The following CDC6 variants were observed in gnomAD, a reference collection of about 807,000 sequenced individuals.
The protein encoded by CDC6 is cell division cycle 6.
A neutral mutation model predicts 60.2 loss-of-function variants in CDC6; 46 were observed. That is an observed-to-expected ratio of 0.76 (90% CI 0.60 to 0.98). CDC6 has a LOEUF of 0.98. Among genes scored for constraint, CDC6 ranks in the 50% least tolerant of loss-of-function variants. CDC6 has a pLI of 0.00. For synonymous variants in CDC6, 210 were observed against 233.2 expected (o/e 0.90, Z 0.90); for missense variants, 596 against 652.9 (o/e 0.91, Z 0.95).
At chr17:40,295,601 G>T (rs1429708789) in intron 8 of CDC6, 145 bp downstream of exon 8, 4 of 658,728 alleles carry the variant, frequency 6.1e-6, no homozygotes, top group African/African-American at 1.8e-5. Context: ...TTGTTTCTCA[G>T]TGGGGAGCTC....
intron 4 of CDC6, 94 bp downstream of exon 4, chr17:40,291,762 T>C: frequency 7.3e-7 from 1 of 1,361,320 alleles, no homozygotes; most frequent in Non-Finnish European, 1.0e-6. Context: ...GTTTTGTTTT[T>C]TGAGACGGAG....
intron 9 of CDC6, among the ~76,000 whole-genome samples, chr17:40,299,574 G>T (rs1464634828): frequency 6.6e-5 from 10 of 151,942 alleles, no homozygotes; most frequent in Non-Finnish European, 1.5e-5. Flanking sequence ...AAGCTTATTG[G>T]CAGTTTCCCA....
chr17:40,298,501 CA>C (rs755630810), intron 9 of CDC6, among the ~76,000 whole-genome samples: 1 of 151,782 alleles, frequency 6.6e-6, no homozygotes, highest in Non-Finnish European at 1.5e-5. Context: ...ACTGCAGCTG[CA>C]ACCTCCCAGG....
chr17:40,289,682 T>A, intron 2 of CDC6, 84 bp downstream of exon 2: 1 of 1,041,798 alleles, frequency 9.6e-7, no homozygotes, highest in Non-Finnish European at 1.5e-6. Flanking sequence ...TGAAGGAGCT[T>A]TCTAAGTTCA....
At chr17:40,300,440 T>A (rs576712874) in intron 9 of CDC6, among the ~76,000 whole-genome samples, 1 of 152,204 alleles carries the variant, frequency 6.6e-6, no homozygotes, top group Non-Finnish European at 1.5e-5. Flanking sequence ...AAGGCTGCAG[T>A]GAGCCATGAT....
intron 2 of CDC6, 44 bp downstream of exon 2, chr17:40,289,642 C>G: frequency 6.7e-7 from 1 of 1,490,202 alleles, no homozygotes; most frequent in Non-Finnish European, 9.3e-7. Flanking sequence ...AGCTCGTGAC[C>G]TTTCTTTTCT....
intron 8 of CDC6, among the ~76,000 whole-genome samples, chr17:40,295,977 A>C (rs1417636142): frequency 6.6e-6 from 1 of 152,008 alleles, no homozygotes; most frequent in Non-Finnish European, 1.5e-5. Context: ...CAGTAGGGAC[A>C]CTGGGTCCAT....
chr17:40,297,635 G>T (rs898607474), intron 9 of CDC6, among the ~76,000 whole-genome samples: 1 of 152,158 alleles, frequency 6.6e-6, no homozygotes, highest in Non-Finnish European at 1.5e-5. Flanking sequence ...GGCAAGCATG[G>T]TGTGTGCCTG....
At chr17:40,293,856 C>A in intron 5 of CDC6, 94 bp from the exon 6 acceptor site, 1 of 1,126,896 alleles carries the variant, frequency 8.9e-7, no homozygotes, top group Non-Finnish European at 1.4e-6. Context: ...TTAAACTGGT[C>A]TCAGCTTTAG....
At chr17:40,289,672 TGAA>T in intron 2 of CDC6, 74 bp downstream of exon 2, 1 of 1,173,282 alleles carries the variant, frequency 8.5e-7, no homozygotes, top group Non-Finnish European at 1.3e-6. Flanking sequence ...GTGTGTCCTT[TGAA>T]GGAGCTTTCT....
intron 4 of CDC6, among the ~76,000 whole-genome samples, chr17:40,292,219 G>C (rs1407700162): frequency 6.6e-6 from 1 of 152,074 alleles, no homozygotes; most frequent in African/African-American, 2.4e-5. Context: ...TGTAGAGACA[G>C]GGTTTCACCA....
chr17:40,288,417 G>A (rs996855984), intron 1 of CDC6, among the ~76,000 whole-genome samples: 1 of 151,718 alleles, frequency 6.6e-6, no homozygotes, highest in South Asian at 2.1e-4. Flanking sequence ...ATCAATTCAT[G>A]TAACTTTTTT....
chr17:40,293,358 C>G, intron 4 of CDC6, 98 bp from the exon 5 acceptor site: 1 of 827,466 alleles, frequency 1.2e-6, no homozygotes, highest in South Asian at 1.4e-5. Context: ...AGTAGAGCTT[C>G]CTTACGTGCT....
Position 40,289,389 on chromosome 17 carries a change from CT to C in CDC6, c.-13-17del. 7 of 1,600,694 alleles carry C rather than the reference CT, an allele frequency of 4.4e-6. No homozygotes were observed. Among genetic ancestry groups the C allele is most frequent in the Non-Finnish European group, 6.0e-6 (7 of 1,168,114 alleles). ...CTTTCACATATTGACTAGTTGTCCTCTTATTTTTTTTAATCTAGCTGTGCTG... is the reference window on the plus strand; with the variant it reads ...CTTTCACATATTGACTAGTTGTCCTCTATTTTTTTTAATCTAGCTGTGCTG... On this transcript the variant is annotated intron_variant, in intron 1 of 11. Transcript: ENST00000209728.
At chr17:40,290,878 G>A (rs545016466) in intron 2 of CDC6, among the ~76,000 whole-genome samples, 180 bp from the exon 3 acceptor site, 1 of 152,260 alleles carries the variant, frequency 6.6e-6, no homozygotes, top group Admixed American at 6.5e-5. Context: ...AGGGACTACT[G>A]TAGTAAGATC....
At chr17:40,299,868 G>A (rs559039713) in intron 9 of CDC6, among the ~76,000 whole-genome samples, 9 of 152,270 alleles carry the variant, frequency 5.9e-5, no homozygotes, top group Middle Eastern at 3.4e-3. Context: ...GGTCATTTGG[G>A]GAAGCCATCT....
chr17:40,296,720 TAG>T lies in CDC6; in HGVS notation c.1205_1206del (p.Glu402ValfsTer14). On this transcript the variant is annotated frameshift_variant, in exon 9 of 12. Transcript: ENST00000209728. LOFTEE classifies it high-confidence loss of function. ...TTTTATAGGAGAGCTATTGAAATTGTAGAGTCAGATGTCAAAAGCCAGACTAT... is the reference window on the plus strand; with the variant it reads ...TTTTATAGGAGAGCTATTGAAATTGTAGTCAGATGTCAAAAGCCAGACTAT... 7 of 1,603,558 alleles carry T rather than the reference TAG, an allele frequency of 4.4e-6. No homozygotes were observed. Among genetic ancestry groups the T allele is most frequent in the East Asian group, 2.2e-5 (1 of 44,826 alleles).
In CDC6 at chr17:40,288,077, C is replaced by T. The variant is rs1021818094; in HGVS notation, c.-27C>T. On this transcript the variant is annotated 5_prime_UTR_variant, in exon 1 of 12. Transcript: ENST00000209728. ...GGAGCTGGGTGAAGGCTGCGGGTTC[C>T]GGCGAGGCCTGAGGTGAAGTGAAGG... is the stretch of plus-strand genomic sequence containing the variant. The T allele has an allele frequency of 3.2e-5, 5 of 154,040 alleles. No homozygotes were observed. The highest frequency in any genetic ancestry group is 6.5e-5 in the Admixed American group (1 of 15,306). 9.5% of individuals were successfully genotyped at this position (154,040 alleles called of 1,614,324 possible). A position where few individuals can be genotyped will look rare whatever the true frequency, so the allele number is the denominator to read the frequency against.
At chr17:40,289,176 C>T (rs1259872729) in intron 1 of CDC6, 2 of 459,214 alleles carry the variant, frequency 4.4e-6, no homozygotes, top group East Asian at 8.5e-5. Context: ...CGTTGTTAAA[C>T]GAGTTGGTAC....
Sources: allele counts gnomAD v4.1 joint callset (sites outside exome capture counted in the v4.1 genomes callset), GRCh38; gene constraint gnomAD v4.1.1; transcripts MANE v1.5; gene names NCBI Gene and HGNC (gene_info 2026-07-23, HGNC 2026-07-21).